Variants in AUTS2 observed in about 807,000 individuals in gnomAD.
AUTS2 encodes the protein activator of transcription and developmental regulator AUTS2.
Under a neutral mutation model 112.4 loss-of-function variants are expected in AUTS2, and 17 were observed. The ratio of observed to expected loss-of-function variants is 0.15; its 90% CI spans 0.10 to 0.23. The LOEUF is 0.23. AUTS2 is among the 10% of genes least tolerant of loss of function. The pLI, the probability that AUTS2 is intolerant of heterozygous loss-of-function variation, is 1.00. For synonymous variants in AUTS2, 751 were observed against 702.7 expected, an observed-to-expected ratio of 1.07 and a Z score of -1.09; for missense variants, 1,510 against 1,701.6, an observed-to-expected ratio of 0.89 and a Z score of 1.98.
At chr7:70,276,143 T>C (rs772005807) in intron 4 of AUTS2, among the ~76,000 whole-genome samples, 1 of 152,198 alleles carries the variant, frequency 6.6e-6, no homozygotes, top group Admixed American at 6.5e-5. Flanking sequence ...TTTCTGACAT[T>C]GAGTACGTGC....
intron 5 of AUTS2, among the ~76,000 whole-genome samples, chr7:70,465,065 C>T (rs980227385): frequency 1.3e-5 from 2 of 152,124 alleles, no homozygotes; most frequent in African/African-American, 2.4e-5. Context: ...GTACACCAGC[C>T]GGCCTACTTC....
chr7:69,742,058 T>C (rs946154526), intron 1 of AUTS2, among the ~76,000 whole-genome samples: 8 of 151,272 alleles, frequency 5.3e-5, no homozygotes, highest in Non-Finnish European at 4.4e-5. Context: ...CACCTCAGCC[T>C]CTGAAAGTGC....
intron 2 of AUTS2, among the ~76,000 whole-genome samples, chr7:69,940,360 GA>G (rs926903752): frequency 1.3e-5 from 2 of 152,220 alleles, no homozygotes; most frequent in African/African-American, 4.8e-5. Context: ...CTTTTGGGAT[GA>G]AACATGAAGG....
At chr7:70,053,544 G>GTTTGTTTTTTTTTT (rs1801849869) in intron 2 of AUTS2, among the ~76,000 whole-genome samples, 1 of 127,848 alleles carries the variant, frequency 7.8e-6, no homozygotes, top group African/African-American at 3.1e-5. Context: ...GTTTTGGGTG[G>GTTTGTTTTTTTTTT]TTTTTTTTTT....
At chr7:70,143,647 A>C (rs1806976961) in intron 4 of AUTS2, among the ~76,000 whole-genome samples, 1 of 152,242 alleles carries the variant, frequency 6.6e-6, no homozygotes, top group African/African-American at 2.4e-5. Flanking sequence ...AATAAAAACA[A>C]ACAAAAAACA....
intron 5 of AUTS2, among the ~76,000 whole-genome samples, chr7:70,516,731 G>A (rs1799431799): frequency 6.6e-6 from 1 of 152,202 alleles, no homozygotes; most frequent in African/African-American, 2.4e-5. Flanking sequence ...GAAAGCACTT[G>A]TGTGGCACTG....
At chr7:70,587,994 A>G (rs1032762711) in intron 5 of AUTS2, among the ~76,000 whole-genome samples, 2 of 152,194 alleles carry the variant, frequency 1.3e-5, no homozygotes, top group African/African-American at 4.8e-5. Flanking sequence ...CCTTGGGTGG[A>G]AGAAAAAGGC....
chr7:69,640,335 TC>T (rs1794749145), intron 1 of AUTS2, among the ~76,000 whole-genome samples: 1 of 152,224 alleles, frequency 6.6e-6, no homozygotes, highest in Non-Finnish European at 1.5e-5. Flanking sequence ...GGCATTCTCT[TC>T]CACTGGATTT....
intron 2 of AUTS2, among the ~76,000 whole-genome samples, chr7:70,045,917 G>A (rs919260336): frequency 5.3e-5 from 8 of 151,210 alleles, no homozygotes; most frequent in African/African-American, 1.5e-4. Context: ...GAGCCACTGC[G>A]CCTGGCCTTG....
chr7:70,635,620 C>A lies in AUTS2; in HGVS notation c.691-62949C>A, dbSNP rs1054568021. ...TTGTTCCCATCTCTAGGTGGCCTGGCAGTGGGAAGGAGAGAGGTGAGAAGA... is the reference window on the plus strand; with the variant it reads ...TTGTTCCCATCTCTAGGTGGCCTGGAAGTGGGAAGGAGAGAGGTGAGAAGA... On this transcript the variant is annotated intron_variant, in intron 5 of 18. Transcript: ENST00000342771. Among the ~76,000 whole-genome samples the A allele has an allele frequency of 2.0e-5, 3 of 152,260 alleles. No individual in the cohort carries two copies. The South Asian group carries it at 6.2e-4, about 32-fold the overall frequency.
chr7:69,705,496 G>T (rs1191383946), intron 1 of AUTS2, among the ~76,000 whole-genome samples: 1 of 152,190 alleles, frequency 6.6e-6, no homozygotes, highest in Non-Finnish European at 1.5e-5. Context: ...CAAGTTCAAG[G>T]CTGTAGAATT....
chr7:70,073,812 G>C lies in AUTS2; in HGVS notation c.523-44320G>C, dbSNP rs184452790. ...AACTAAGGGCCCACAAAGGCAGAATGAGAATTACCATCTAGGCCAATACTG... is the reference window on the plus strand; with the variant it reads ...AACTAAGGGCCCACAAAGGCAGAATCAGAATTACCATCTAGGCCAATACTG... On this transcript the variant is annotated intron_variant, in intron 2 of 18. Coordinates refer to ENST00000342771, the MANE Select transcript of AUTS2 (RefSeq NM_015570.4). Among the ~76,000 whole-genome samples, 10 of 152,306 alleles carry C rather than the reference G, an allele frequency of 6.6e-5. No homozygotes were observed. The East Asian group carries it at 1.9e-3, about 29-fold the overall frequency.
intron 4 of AUTS2, among the ~76,000 whole-genome samples, chr7:70,221,067 G>A (rs2129592130): frequency 6.6e-6 from 1 of 152,156 alleles, no homozygotes; most frequent in African/African-American, 2.4e-5. Context: ...CACCATGTTT[G>A]GCTAATTGTA....
chr7:69,720,435 G>A (rs1486612353), intron 1 of AUTS2, among the ~76,000 whole-genome samples: 2 of 152,148 alleles, frequency 1.3e-5, no homozygotes, highest in Admixed American at 1.3e-4. Flanking sequence ...CTAATGATGT[G>A]TTCTCAAAGA....
intron 2 of AUTS2, among the ~76,000 whole-genome samples, chr7:70,099,354 G>A (rs1015503726): frequency 4.6e-5 from 7 of 152,154 alleles, no homozygotes; most frequent in Non-Finnish European, 8.8e-5. Context: ...TGTCAGCGTA[G>A]GTTAAAATTC....
intron 4 of AUTS2, among the ~76,000 whole-genome samples, chr7:70,218,690 A>T (rs1389049600): frequency 6.6e-6 from 1 of 152,200 alleles, no homozygotes; most frequent in Non-Finnish European, 1.5e-5. Context: ...CGATAATGCT[A>T]ATGCTTCTTG....
At chr7:70,043,633 G>C (rs1329722767) in intron 2 of AUTS2, among the ~76,000 whole-genome samples, 5 of 115,782 alleles carry the variant, frequency 4.3e-5, no homozygotes, top group African/African-American at 1.7e-4. Flanking sequence ...TTTTTGGTCA[G>C]TGTTTCACTC....
intron 15 of AUTS2, chr7:70,784,649 T>A (rs936231372): frequency 4.6e-6 from 2 of 432,666 alleles, no homozygotes; most frequent in South Asian, 5.4e-5. Flanking sequence ...TTTGTAATAC[T>A]GTGTGTCATC....
At chr7:69,829,268 A>C (rs1791391946) in intron 1 of AUTS2, among the ~76,000 whole-genome samples, 1 of 152,230 alleles carries the variant, frequency 6.6e-6, no homozygotes, top group Non-Finnish European at 1.5e-5. Context: ...CTTAAATATA[A>C]AACCCCAAAC....
Sources: gnomAD v4.1 joint callset for allele counts (sites outside exome capture counted in the v4.1 genomes callset) on GRCh38, gnomAD v4.1.1 for gene constraint, MANE v1.5 for transcripts, NCBI Gene and HGNC (gene_info 2026-07-23, HGNC 2026-07-21) for gene names.